DNTTIP2: variants seen among roughly 807,000 people sequenced by gnomAD.
The protein encoded by DNTTIP2 is deoxynucleotidyltransferase terminal-interacting protein 2.
In DNTTIP2, 47 loss-of-function variants were observed where a neutral mutation model predicts 62.4. The ratio of observed to expected loss-of-function variants is 0.75; its 90% CI spans 0.60 to 0.96. The LOEUF is 0.96. DNTTIP2 is among the 40% of genes least tolerant of loss of function. The pLI is 0.00. For synonymous variants in DNTTIP2, 322 were observed against 300.9 expected (o/e 1.07, Z -0.73); for missense variants, 870 against 849.1 (o/e 1.02, Z -0.31).
Position 93,876,949 on chromosome 1 carries a change from G to C in DNTTIP2, c.986C>G (p.Thr329Ser). 1.2e-6 allele frequency: 2 copies of C among 1,613,206 alleles called. No individual in the cohort carries two copies. Among genetic ancestry groups the C allele is most frequent in the Non-Finnish European group, 1.7e-6 (2 of 1,179,734 alleles). The change falls in exon 2 of 7, where the codon ACT becomes AGT. Residue 329 changes from threonine to serine, a missense_variant. Thr to Ser is a moderately conservative substitution (Grantham distance 58). Transcript: ENST00000436063. ...CTGAGAAACTAACTGTTGAAGGCTAGTGTCCTGAAGTTCAGAAAGATTCTT... is the reference window on the plus strand; with the variant it reads ...CTGAGAAACTAACTGTTGAAGGCTACTGTCCTGAAGTTCAGAAAGATTCTT... Reference protein sequence around the residue: ...QLKNLSELQDTSLQQLVSQRH... With the variant: ...QLKNLSELQDSSLQQLVSQRH...
chr1:93,877,677 T>C lies in DNTTIP2; in HGVS notation c.258A>G (p.Glu86=), dbSNP rs3789457. Reference sequence around the variant, plus strand: ...AATAATTTGACTCTGCCTCAGAGGTTTCTCCATCCGTAGATGGTTCAGTCC... The same window carrying C: ...AATAATTTGACTCTGCCTCAGAGGTCTCTCCATCCGTAGATGGTTCAGTCC... The part of the protein sequence containing the change: ...PKGTEPSTDG[E]TSEAESNYSV... Residue 86 remains glutamate (E), a synonymous_variant, in exon 2 of 7, where the codon GAA becomes GAG. Transcript: ENST00000436063. The C allele has an allele frequency of 0.7, 1,136,707 of 1,613,682 alleles. 402,534 individuals are homozygous for C. Among genetic ancestry groups the C allele is most frequent in the Admixed American group, 0.85 (50,926 of 60,004 alleles).
intron 2 of DNTTIP2, 114 bp from the exon 3 acceptor site, chr1:93,875,897 AG>A: frequency 9.5e-7 from 1 of 1,048,120 alleles, no homozygotes; most frequent in Non-Finnish European, 1.3e-6. Flanking sequence ...TCCACAATAA[AG>A]AAAAAAAAGC....
intron 1 of DNTTIP2, 92 bp downstream of exon 1, chr1:93,878,985 G>A (rs1656085605): frequency 6.6e-6 from 10 of 1,511,736 alleles, no homozygotes; most frequent in Non-Finnish European, 8.9e-6. Context: ...CTGTCGGCAG[G>A]TCCTCACCCT....
chr1:93,877,274 T>G lies in DNTTIP2; in HGVS notation c.661A>C (p.Ile221Leu). ...ATCTGTTTCTCATTTCCTGGTACAATCTTACTATCTTTCTTTTCAGTTTGT... is the reference window on the plus strand; with the variant it reads ...ATCTGTTTCTCATTTCCTGGTACAAGCTTACTATCTTTCTTTTCAGTTTGT... ...KAQTEKKDSKIVPGNEKQIVG... is the reference protein window; with the variant it reads ...KAQTEKKDSKLVPGNEKQIVG... Residue 221 changes from isoleucine to leucine, a missense_variant, in exon 2 of 7, where the codon ATT (isoleucine) becomes CTT (leucine). Coordinates refer to ENST00000436063, the MANE Select transcript of DNTTIP2 (RefSeq NM_014597.5). 1 of 1,613,812 alleles carries G rather than the reference T, an allele frequency of 6.2e-7. No individual in the cohort carries two copies.
Position 93,868,907 on chromosome 1 carries a change from T to C in DNTTIP2, c.*944A>G, listed in dbSNP as rs1169398302. On this transcript the variant is annotated 3_prime_UTR_variant, in exon 7 of 7. Coordinates refer to ENST00000436063, the MANE Select transcript of DNTTIP2 (RefSeq NM_014597.5). The stretch of plus-strand genomic sequence containing the variant: ...AGGAGAAATACCTAATGTAGATAGG[T>C]TGATGGGTGCAGCAAACCACCATGG... The C allele has an allele frequency of 6.6e-6, 1 of 151,842 alleles. No homozygotes were observed. The highest frequency in any genetic ancestry group is 2.4e-5 in the African/African-American group (1 of 41,320). The allele number at this position is 151,842 out of a possible 1,614,324, so 9.4% of individuals were successfully genotyped here.
rs1330221326 is a variant in DNTTIP2, at chr1:93,866,551, T to C, written c.*3300A>G. 6.6e-6 allele frequency: 1 copy of C among 152,184 alleles called. No individual in the cohort carries two copies. The highest frequency in any genetic ancestry group is 2.4e-5 in the African/African-American group (1 of 41,440). 9.4% of individuals were successfully genotyped at this position (152,184 alleles called of 1,614,324 possible). On this transcript the variant is annotated 3_prime_UTR_variant, in exon 7 of 7. Coordinates refer to ENST00000436063, the MANE Select transcript of DNTTIP2 (RefSeq NM_014597.5). ...TGTTAACTTTTTTTTCCCATTATGGTATTTTCTTTAACTTGCTGTTTCTAA... is the reference window on the plus strand; with the variant it reads ...TGTTAACTTTTTTTTCCCATTATGGCATTTTCTTTAACTTGCTGTTTCTAA...
intron 1 of DNTTIP2, 167 bp downstream of exon 1, chr1:93,878,910 A>C: frequency 3.6e-6 from 3 of 828,278 alleles, no homozygotes; most frequent in Non-Finnish European, 5.5e-6. Context: ...AAGGCTAAAC[A>C]GTTTCCGTGA....
At chr1:93,870,405 T>G (rs1293276008) in intron 6 of DNTTIP2, among the ~76,000 whole-genome samples, 1 of 152,142 alleles carries the variant, frequency 6.6e-6, no homozygotes, top group Non-Finnish European at 1.5e-5. Flanking sequence ...TACTAAGGCA[T>G]TAATCGCTTT....
chr1:93,872,885 TA>T (rs1655907059), intron 4 of DNTTIP2, among the ~76,000 whole-genome samples: 1 of 151,568 alleles, frequency 6.6e-6, no homozygotes, highest in Non-Finnish European at 1.5e-5. Context: ...TATATATATA[TA>T]TTTTTTTAAA....
At position 93,877,029 on chromosome 1, in the gene DNTTIP2, A is replaced by G. The variant is rs2100889077; in HGVS notation, c.906T>C (p.Asp302=). ...TCCCCTCATCTGTTATTCCATTGGC[A>G]TCTTCATCCAAATCCTTACAATTCT... The part of the protein sequence containing the change: ...TKQNCKDLDE[D]ANGITDEGKE... Residue 302 remains aspartate, a synonymous_variant, in exon 2 of 7, where the codon GAT becomes GAC. Coordinates refer to ENST00000436063, the MANE Select transcript of DNTTIP2 (RefSeq NM_014597.5). 6.2e-7 allele frequency: 1 copy of G among 1,612,596 alleles called. No individual in the cohort carries two copies. Among genetic ancestry groups the G allele is most frequent in the East Asian group, 2.2e-5 (1 of 44,876 alleles).
chr1:93,879,028 A>G, intron 1 of DNTTIP2, 49 bp downstream of exon 1: 1 of 1,606,720 alleles, frequency 6.2e-7, no homozygotes, highest in Non-Finnish European at 8.5e-7. Flanking sequence ...CGCCTGCCTG[A>G]GCGCGGCTCT....
At chr1:93,873,337 T>A in intron 3 of DNTTIP2, 123 bp from the exon 4 acceptor site, 1 of 694,138 alleles carries the variant, frequency 1.4e-6, no homozygotes, top group Non-Finnish European at 2.4e-6. Context: ...ACACCTATAA[T>A]CCTAGTGCTT....
In DNTTIP2 at chr1:93,869,197, A is replaced by G. The variant is rs1655794334; in HGVS notation, c.*654T>C. On this transcript the variant is annotated 3_prime_UTR_variant, in exon 7 of 7. Transcript: ENST00000436063. ...GGTAAGCTGGGTTAACTTCGAAGAA[A>G]CCCTGGCCAACTTAAATTATAGTTT... is the stretch of plus-strand genomic sequence containing the variant. The G allele has an allele frequency of 1.3e-5, 1 of 74,288 alleles. No homozygotes were observed. The highest frequency in any genetic ancestry group is 6.7e-5 in the African/African-American group (1 of 14,988). 4.6% of individuals were successfully genotyped at this position (74,288 alleles called of 1,614,324 possible).
chr1:93,877,545 T>C lies in DNTTIP2; in HGVS notation c.390A>G (p.Pro130=), dbSNP rs563248798. Residue 130 remains proline (P), a synonymous_variant, in exon 2 of 7, where the codon CCA becomes CCG. Transcript: ENST00000436063. ...TTTCTTCAGTGTAAGACTCCTTTGT[T>C]GGAGTTACTTTCGGCTTTTTCCTAA... ...SSVRKKPKVT[P]TKESYTEEIV... 2.5e-6 allele frequency: 4 copies of C among 1,614,044 alleles called. No homozygotes were observed. The East Asian group carries it at 6.7e-5, about 27-fold the overall frequency.
In DNTTIP2 at chr1:93,869,027, G is replaced by A. The variant is rs1192356453; in HGVS notation, c.*824C>T. 3 of 151,950 alleles carry A rather than the reference G, an allele frequency of 2.0e-5. No individual in the cohort carries two copies. The highest frequency in any genetic ancestry group is 4.4e-5 in the Non-Finnish European group (3 of 67,992). The allele number at this position is 151,950 out of a possible 1,614,324, so 9.4% of individuals were successfully genotyped here. A position where few individuals can be genotyped will look rare whatever the true frequency, so the allele number is the denominator to read the frequency against. ...ATTTCATATTTGCTGATATCTCAAGGAAGCAGTATGCTGGAAAAATAGAGG... is the reference window on the plus strand; with the variant it reads ...ATTTCATATTTGCTGATATCTCAAGAAAGCAGTATGCTGGAAAAATAGAGG... On this transcript the variant is annotated 3_prime_UTR_variant, in exon 7 of 7. Transcript: ENST00000436063.
chr1:93,878,969 T>C (rs976909030), intron 1 of DNTTIP2, 108 bp downstream of exon 1: 4 of 1,412,598 alleles, frequency 2.8e-6, no homozygotes, highest in Non-Finnish European at 2.8e-6. Context: ...CAAGCTCGGG[T>C]CCTCTCTGTC....
Position 93,872,130 on chromosome 1 carries a change from A to G in DNTTIP2, c.2009T>C (p.Met670Thr), listed in dbSNP as rs201567136. Reference sequence around the variant, plus strand: ...TTTCTTGTAAAATCTTTTCGGGTCCATGCTGGCTCTCATCTTCAGTGCTTT... The same window carrying G: ...TTTCTTGTAAAATCTTTTCGGGTCCGTGCTGGCTCTCATCTTCAGTGCTTT... ...DLKALKMRASMDPKRFYKKND... is the reference protein window; with the variant it reads ...DLKALKMRASTDPKRFYKKND... Residue 670 changes from methionine to threonine, a missense_variant, in exon 5 of 7, where the codon ATG becomes ACG. Met to Thr is a moderately conservative substitution (Grantham distance 81). Transcript: ENST00000436063. 6.2e-7 allele frequency: 1 copy of G among 1,613,878 alleles called. No individual in the cohort carries two copies.
chr1:93,871,813 T>C (rs1479077327), intron 5 of DNTTIP2, among the ~76,000 whole-genome samples: 1 of 152,214 alleles, frequency 6.6e-6, no homozygotes, highest in Non-Finnish European at 1.5e-5. Flanking sequence ...TACATTCACA[T>C]AGTGAACTTT....
Position 93,875,252 on chromosome 1 carries a change from A to G in DNTTIP2, c.1806+393T>C, listed in dbSNP as rs982333045. 5.3e-5 allele frequency among the ~76,000 whole-genome samples: 8 copies of G among 152,356 alleles called. No individual in the cohort carries two copies. In the East Asian group the frequency reaches 1.5e-3, roughly 29 times the overall value. On this transcript the variant is annotated intron_variant, in intron 3 of 6. Coordinates refer to ENST00000436063, the MANE Select transcript of DNTTIP2 (RefSeq NM_014597.5). ...CTTAACAGTAATTCCTTCTGAAATTATATGTAAAATGTCTATATGCACATG... is the reference window on the plus strand; with the variant it reads ...CTTAACAGTAATTCCTTCTGAAATTGTATGTAAAATGTCTATATGCACATG...
Sources: gnomAD v4.1 joint callset for allele counts (sites outside exome capture counted in the v4.1 genomes callset) on GRCh38, gnomAD v4.1.1 for gene constraint, MANE v1.5 for transcripts, NCBI Gene and HGNC (gene_info 2026-07-23, HGNC 2026-07-21) for gene names.